Variants in WDR27 observed in about 807,000 individuals in gnomAD.
WDR27 encodes WD repeat domain 27.
In WDR27, 100 loss-of-function variants were observed where a neutral mutation model predicts 114.4. That is an observed-to-expected ratio of 0.87 (90% confidence interval 0.74 to 1.03). WDR27 has a LOEUF of 1.03. WDR27 is among the 50% of genes least tolerant of loss of function. The pLI is 0.00. For synonymous variants in WDR27, 449 were observed against 423.1 expected (o/e 1.06, Z -0.75); for missense variants, 1,129 against 1,092.9 (o/e 1.03, Z -0.47).
intron 15 of WDR27, 139 bp downstream of exon 15, chr6:169,649,059 T>C: frequency 1.7e-6 from 1 of 577,638 alleles, no homozygotes; most frequent in Middle Eastern, 3.4e-4. Flanking sequence ...ATAATATAGA[T>C]ATACATATCT....
chr6:169,670,417 A>T, intron 4 of WDR27, 152 bp downstream of exon 4: 1 of 764,016 alleles, frequency 1.3e-6, no homozygotes, highest in Non-Finnish European at 2.0e-6. Context: ...CAAGATAAAG[A>T]TATGATTTTA....
At chr6:169,507,354 T>A (rs1042759336) in intron 25 of WDR27, among the ~76,000 whole-genome samples, 12 of 152,228 alleles carry the variant, frequency 7.9e-5, no homozygotes, top group Admixed American at 6.5e-5. Context: ...CACTTGCAGG[T>A]ACACACCCAC....
chr6:169,587,499 G>A (rs1804897914), intron 23 of WDR27, among the ~76,000 whole-genome samples: 1 of 152,204 alleles, frequency 6.6e-6, no homozygotes, highest in Admixed American at 6.5e-5. Context: ...GATTACAGGT[G>A]TGAGCCACTG....
intron 18 of WDR27, 28 bp downstream of exon 18, chr6:169,638,511 G>T: frequency 6.2e-7 from 1 of 1,608,016 alleles, no homozygotes; most frequent in Non-Finnish European, 8.5e-7. Context: ...GGAAATGACT[G>T]CCCATGGCAG....
intron 25 of WDR27, among the ~76,000 whole-genome samples, chr6:169,518,279 C>A (rs1793931713): frequency 6.6e-6 from 1 of 152,228 alleles, no homozygotes; most frequent in African/African-American, 2.4e-5. Context: ...GTCTAGCAAC[C>A]CTGAATTTCC....
At chr6:169,611,964 GT>G (rs148764542) in intron 22 of WDR27, among the ~76,000 whole-genome samples, 15,302 of 152,010 alleles carry the variant, frequency 0.1, 1,651 homozygotes, top group African/African-American at 0.27. Context: ...GTGAAAATGC[GT>G]TCTCTACTAA....
chr6:169,678,232 C>CTT (rs1194350595), intron 2 of WDR27, among the ~76,000 whole-genome samples: 3 of 152,198 alleles, frequency 2.0e-5, no homozygotes, highest in Non-Finnish European at 4.4e-5. Flanking sequence ...AGGGCTGAAC[C>CTT]TTGCAAAGCC....
At chr6:169,651,200 GGAGT>G in intron 14 of WDR27, among the ~76,000 whole-genome samples, 1 of 132,624 alleles carries the variant, frequency 7.5e-6, no homozygotes, top group African/African-American at 3.1e-5. Flanking sequence ...GGGGAGTGGG[GGAGT>G]GGGGGAGTGG....
At chr6:169,654,480 T>C (rs1823449531) in intron 13 of WDR27, among the ~76,000 whole-genome samples, 1 of 152,184 alleles carries the variant, frequency 6.6e-6, no homozygotes, top group South Asian at 2.1e-4. Context: ...AATAACCACC[T>C]CATGTTTAAC....
intron 22 of WDR27, among the ~76,000 whole-genome samples, chr6:169,611,745 C>G (rs987093249): frequency 1.3e-5 from 2 of 152,136 alleles, no homozygotes; most frequent in South Asian, 4.1e-4. Flanking sequence ...TGCATGGAGT[C>G]GGGATCATCA....
At chr6:169,429,080 C>T in the WDR27 span, among the ~76,000 whole-genome samples, 1 of 152,146 alleles carries the variant, frequency 6.6e-6, no homozygotes, top group African/African-American at 2.4e-5. Flanking sequence ...TCAGCAGCCC[C>T]TCTCCTGCAG....
chr6:169,469,551 GC>G (rs1786061722), intron 25 of WDR27, among the ~76,000 whole-genome samples: 1 of 152,222 alleles, frequency 6.6e-6, no homozygotes, highest in East Asian at 1.9e-4. Context: ...ACCCACTAAA[GC>G]CAGACAAGCT....
intron 23 of WDR27, among the ~76,000 whole-genome samples, chr6:169,594,008 C>A (rs1171891111): frequency 1.3e-5 from 2 of 152,096 alleles, no homozygotes; most frequent in Admixed American, 6.6e-5. Context: ...CCCTGTCTGG[C>A]TTTTTAGGTA....
the WDR27 span, among the ~76,000 whole-genome samples, chr6:169,449,164 T>C: frequency 3.9e-5 from 6 of 152,194 alleles, no homozygotes; most frequent in Admixed American, 2.6e-4. Context: ...CCATATAGAA[T>C]GTAGCCTACA....
chr6:169,536,607 C>T (rs1796221173), intron 25 of WDR27, among the ~76,000 whole-genome samples: 1 of 152,182 alleles, frequency 6.6e-6, no homozygotes, highest in South Asian at 2.1e-4. Flanking sequence ...ATCATGCTCA[C>T]TCACACAACA....
chr6:169,441,653 T>C, the WDR27 span, among the ~76,000 whole-genome samples: 2 of 152,206 alleles, frequency 1.3e-5, no homozygotes, highest in African/African-American at 4.8e-5. Flanking sequence ...AGACTAGTGT[T>C]ACCCACTCTT....
At chr6:169,655,533 G>A (rs965107306) in intron 13 of WDR27, among the ~76,000 whole-genome samples, 4 of 152,224 alleles carry the variant, frequency 2.6e-5, no homozygotes, top group Non-Finnish European at 5.9e-5. Flanking sequence ...AAGTGAAAAA[G>A]ACAAATCAGA....
At chr6:169,683,820 C>G (rs1213527922) in intron 2 of WDR27, among the ~76,000 whole-genome samples, 1 of 152,228 alleles carries the variant, frequency 6.6e-6, no homozygotes, top group South Asian at 2.1e-4. Flanking sequence ...ATCCCACAGT[C>G]CCTGCAAGCC....
chr6:169,452,559 TGCGTGGGGTC>T (rs1784199380), downstream of WDR27, among the ~76,000 whole-genome samples: 1 of 62,312 alleles, frequency 1.6e-5, no homozygotes, highest in Non-Finnish European at 2.7e-5. Flanking sequence ...AGAGGAGCCG[TGCGTGGGGTC>T]AGAGAGGAGC....
Sources: allele counts gnomAD v4.1 joint callset (sites outside exome capture counted in the v4.1 genomes callset), GRCh38; gene constraint gnomAD v4.1.1; transcripts MANE v1.5; gene names NCBI Gene and HGNC (gene_info 2026-07-23, HGNC 2026-07-21).